The following PRCD variants were observed in gnomAD, a reference collection of about 807,000 sequenced individuals.
PRCD encodes the protein photoreceptor disk component PRCD.
In PRCD, 12 loss-of-function variants were observed where a neutral mutation model predicts 10.1. That is an observed-to-expected ratio of 1.18 (90% CI 0.76 to 1.92). PRCD has a LOEUF of 1.92. PRCD is among the 40% of genes most tolerant of loss of function. The pLI, the probability that PRCD is intolerant of heterozygous loss-of-function variation, is 0.00. For synonymous variants in PRCD, 31 were observed against 26.2 expected (o/e 1.18, Z -0.56); for missense variants, 61 against 72.2 (o/e 0.84, Z 0.56).
chr17:76,538,011 G>T (rs1211210038), upstream of PRCD: 2 of 151,572 alleles, frequency 1.3e-5, no homozygotes, highest in African/African-American at 4.8e-5. Context: ...TGGGCGGCGC[G>T]GGCCGCACAG....
rs1428572764 is a variant in PRCD, at chr17:76,528,711, TGCC to T, written n.45+879_45+881del. On this transcript the variant is annotated intron_variant and non_coding_transcript_variant, in intron 1 of 4. Coordinates refer to the PRCD transcript ENST00000397633. The surrounding 1 kb of genome is among the most constrained non-coding windows in gnomAD (Gnocchi z 5.8). ...CCTGGGGCTGGCGAGGCTCACTTCC[TGCC>T]AAGAGATCCGGCACAGTGCAGTTGA... is the stretch of plus-strand genomic sequence containing the variant. The T allele has an allele frequency of 2.4e-5, 28 of 1,144,792 alleles. No individual in the cohort carries two copies. Among genetic ancestry groups the T allele is most frequent in the Non-Finnish European group, 3.1e-5 (28 of 894,746 alleles). The allele number at this position is 1,144,792 out of a possible 1,614,324, so 70.9% of individuals were successfully genotyped here. A position where few individuals can be genotyped will look rare whatever the true frequency, so the allele number is the denominator to read the frequency against.
chr17:76,540,256 G>GA lies in PRCD; in HGVS notation c.74+41_74+42insA. The GA allele has an allele frequency of 8.3e-7, 1 of 1,210,062 alleles. No homozygotes were observed. Among genetic ancestry groups the GA allele is most frequent in the Non-Finnish European group, 1.2e-6 (1 of 839,512 alleles). The allele number at this position is 1,210,062 out of a possible 1,614,324, so 75.0% of individuals were successfully genotyped here. On this transcript the variant is annotated intron_variant, in intron 1 of 4. Coordinates refer to ENST00000592014, the MANE Select transcript of PRCD (RefSeq NM_001077620.3). This position sits in a 1 kb window ranked among gnomAD's most constrained non-coding sequence, Gnocchi z 5.0. ...GGCTATGGCTGGCGGTTGGTCGGGG[G>GA]GGGGGGGCATGGGGCTGGGCTGCCA... is the stretch of plus-strand genomic sequence containing the variant.
Position 76,533,954 on chromosome 17 carries a change from T to C in PRCD, n.45+6121T>C, listed in dbSNP as rs2074880364. On this transcript the variant is annotated intron_variant and non_coding_transcript_variant, in intron 1 of 4. Coordinates refer to the PRCD transcript ENST00000397633. This position sits in a 1 kb window ranked among gnomAD's most constrained non-coding sequence, Gnocchi z 4.5. ...GCTGCAGCAGGAAGATCCGATCGCA[T>C]CACGAGCCCAGGATTGGAGGCTGCC... 6.6e-6 allele frequency among the ~76,000 whole-genome samples: 1 copy of C among 151,464 alleles called. No homozygotes were observed. Among genetic ancestry groups the C allele is most frequent in the African/African-American group, 2.4e-5 (1 of 41,100 alleles).
intron 1 of PRCD, chr17:76,551,616 T>G (rs2075109866): frequency 6.6e-6 from 1 of 152,234 alleles, no homozygotes; most frequent in African/African-American, 2.4e-5. Flanking sequence ...CCTGGTCATC[T>G]GCATGATCCC....
At chr17:76,551,817 G>A (rs759904855) in intron 1 of PRCD, 32 of 151,892 alleles carry the variant, frequency 2.1e-4, no homozygotes, top group Non-Finnish European at 4.0e-4. Context: ...TGGGTTTTTA[G>A]GCTGGATTGT....
upstream of PRCD, chr17:76,537,592 G>C (rs1487329094): frequency 4.8e-6 from 5 of 1,048,058 alleles, no homozygotes; most frequent in South Asian, 4.4e-5. Flanking sequence ...CGGTGGCGGG[G>C]CGCGGGGCGC....
upstream of PRCD, among the ~76,000 whole-genome samples, chr17:76,536,913 C>T (rs2074921003): frequency 6.6e-6 from 1 of 152,226 alleles, no homozygotes; most frequent in Admixed American, 6.5e-5. Flanking sequence ...TTCTCAACCT[C>T]TGCTCTTTGC....
chr17:76,542,670 A>G, intron 3 of PRCD, 37 bp downstream of exon 3: 1 of 1,379,320 alleles, frequency 7.2e-7, no homozygotes, highest in Non-Finnish European at 1.0e-6. Context: ...GGCAGAGGGC[A>G]AGGCTTGGGA....
intron 1 of PRCD, among the ~76,000 whole-genome samples, chr17:76,534,047 A>T (rs1473425071): frequency 6.6e-6 from 1 of 151,914 alleles, no homozygotes; most frequent in Non-Finnish European, 1.5e-5. Context: ...AAATAATAAC[A>T]ATGATATATA....
intron 1 of PRCD, chr17:76,529,350 T>C: frequency 1.0e-6 from 1 of 985,306 alleles, no homozygotes; most frequent in East Asian, 1.1e-4. Context: ...CGGTAGCCCA[T>C]CTCCATTCAG....
upstream of PRCD, chr17:76,537,677 G>A (rs575223670): frequency 1.1e-3 from 888 of 823,958 alleles, 17 homozygotes; most frequent in African/African-American, 0.014. Flanking sequence ...CGGAGGGAGG[G>A]AGCGTGTGTC....
In PRCD at chr17:76,530,911, G is replaced by T; in HGVS notation, n.45+3078G>T. 6.8e-7 allele frequency: 1 copy of T among 1,480,272 alleles called. No individual in the cohort carries two copies. The allele number at this position is 1,480,272 out of a possible 1,614,324, so 91.7% of individuals were successfully genotyped here. A position where few individuals can be genotyped will look rare whatever the true frequency, so the allele number is the denominator to read the frequency against. On this transcript the variant is annotated intron_variant and non_coding_transcript_variant, in intron 1 of 4. Transcript: ENST00000397633. This position sits in a 1 kb window ranked among gnomAD's most constrained non-coding sequence, Gnocchi z 6.1. Reference sequence around the variant, plus strand: ...CAGCCCCAGGGCCTCAGGAGATATGGGAGACCTCGGGGACAGCAGAGGACA... The same window carrying T: ...CAGCCCCAGGGCCTCAGGAGATATGTGAGACCTCGGGGACAGCAGAGGACA...
chr17:76,547,419 C>G (rs12051905), downstream of PRCD: 148,870 of 152,718 alleles, frequency 0.97, 72,677 homozygotes, highest in Middle Eastern at 1. Context: ...AGGGTGCAGG[C>G]CATGGAGACC....
rs762689341 is a variant in PRCD at position 76,531,034 on chromosome 17, C to T, written n.45+3201C>T. The T allele has an allele frequency of 7.4e-6, 12 of 1,613,316 alleles. No individual in the cohort carries two copies. In the East Asian group the frequency reaches 8.9e-5, roughly 12 times the overall value. On this transcript the variant is annotated intron_variant and non_coding_transcript_variant, in intron 1 of 4. Transcript: ENST00000397633. This position sits in a 1 kb window ranked among gnomAD's most constrained non-coding sequence, Gnocchi z 7.4. The stretch of plus-strand genomic sequence containing the variant: ...CCCACTTCCTTGTAGGCAGCGGTCA[C>T]GTGGCTGTAGATGAGGCCACGCAGC...
At position 76,540,377 on chromosome 17, in the gene PRCD, G is replaced by T; in HGVS notation, c.75-128G>T. On this transcript the variant is annotated intron_variant, in intron 1 of 4. Coordinates refer to ENST00000592014, the MANE Select transcript of PRCD (RefSeq NM_001077620.3). The surrounding 1 kb of genome is among the most constrained non-coding windows in gnomAD (Gnocchi z 5.0). The stretch of plus-strand genomic sequence containing the variant: ...AGAGAGCACAGTCTCAGAGCAGGGG[G>T]ACTTAGAGCTTCAAAGGCTCTAGTT... The T allele has an allele frequency of 7.7e-7, 1 of 1,292,932 alleles. No homozygotes were observed. The highest frequency in any genetic ancestry group is 2.3e-5 in the East Asian group (1 of 42,578). The allele number at this position is 1,292,932 out of a possible 1,614,324, so 80.1% of individuals were successfully genotyped here.
chr17:76,540,203 A>G lies in PRCD; in HGVS notation c.62A>G (p.Asn21Ser). ...LAMLWRRRFA[N>S]RVQPEPSDVD... ...ATGCTCTGGCGCCGCCGATTTGCCA[A>G]CCGAGTCCAACCGTGAGAAACTGAC... The change falls in exon 1 of 5, where the codon AAC becomes AGC. Residue 21 changes from asparagine to serine, a missense_variant. Coordinates refer to ENST00000592014, the MANE Select transcript of PRCD (RefSeq NM_001077620.3). This position sits in a 1 kb window ranked among gnomAD's most constrained non-coding sequence, Gnocchi z 5.0. 7.1e-7 allele frequency: 1 copy of G among 1,407,026 alleles called. No individual in the cohort carries two copies. Among genetic ancestry groups the G allele is most frequent in the Non-Finnish European group, 9.5e-7 (1 of 1,056,818 alleles). 87.2% of individuals were successfully genotyped at this position (1,407,026 alleles called of 1,614,324 possible).
chr17:76,529,196 C>T (rs948030487), intron 1 of PRCD: 6 of 985,392 alleles, frequency 6.1e-6, no homozygotes, highest in East Asian at 1.1e-4. Context: ...ATCCTACCCT[C>T]GAGCCCATGG....
downstream of PRCD, among the ~76,000 whole-genome samples, chr17:76,547,807 GAC>G (rs1301940583): frequency 7.0e-6 from 1 of 142,860 alleles, no homozygotes; most frequent in Non-Finnish European, 1.5e-5. Context: ...CATTCACAGA[GAC>G]ACACATTCAC....
At chr17:76,542,677 G>A in intron 3 of PRCD, 44 bp downstream of exon 3, 1 of 1,296,360 alleles carries the variant, frequency 7.7e-7, no homozygotes, top group South Asian at 1.2e-5. Context: ...GGCAAGGCTT[G>A]GGACAGGCAG....
Sources: allele counts gnomAD v4.1 joint callset (sites outside exome capture counted in the v4.1 genomes callset), GRCh38; gene constraint gnomAD v4.1.1; non-coding constraint Gnocchi (gnomAD v3.1); transcripts MANE v1.5; gene names NCBI Gene and HGNC (gene_info 2026-07-23, HGNC 2026-07-21).